The following MECOM variants were observed in gnomAD, a reference collection of about 807,000 sequenced individuals.
MECOM encodes MDS1 and EVI1 complex locus.
A neutral mutation model predicts 116.3 loss-of-function variants in MECOM; 13 were observed. That is an observed-to-expected ratio of 0.11 (90% CI 0.07 to 0.18). The LOEUF (loss-of-function observed/expected upper bound fraction) is 0.18, where lower values mean the gene tolerates loss of function less well. MECOM is among the 10% of genes least tolerant of loss of function. The pLI is 1.00. For synonymous variants in MECOM, 528 were observed against 535.2 expected, an observed-to-expected ratio of 0.99 and a Z score of 0.19; for missense variants, 1,299 against 1,509.0, an observed-to-expected ratio of 0.86 and a Z score of 2.31.
intron 1 of MECOM, among the ~76,000 whole-genome samples, chr3:169,507,091 T>A (rs1659336262): frequency 6.6e-6 from 1 of 152,220 alleles, no homozygotes; most frequent in South Asian, 2.1e-4. Context: ...TCAATCACAA[T>A]GCCAGTGATA....
intron 1 of MECOM, among the ~76,000 whole-genome samples, chr3:169,626,371 C>T (rs766614679): frequency 6.6e-6 from 1 of 152,198 alleles, no homozygotes; most frequent in Admixed American, 6.5e-5. Context: ...AATCATTGAG[C>T]GGAGCTTGGG....
At position 169,101,542 on chromosome 3, in the gene MECOM, A is replaced by T. The variant is rs1480516989; in HGVS notation, c.2771+518T>A. 2.6e-4 allele frequency among the ~76,000 whole-genome samples: 39 copies of T among 147,638 alleles called. No individual in the cohort carries two copies. In the Admixed American group the frequency reaches 2.7e-3, roughly 10 times the overall value. On this transcript the variant is annotated intron_variant, in intron 11 of 16. Coordinates refer to ENST00000651503, the MANE Select transcript of MECOM (RefSeq NM_004991.4). ...AAATACCTACACATTTCTAAAGATGATTCAGAAATTATAAGCACAATTTAT... is the reference window on the plus strand; with the variant it reads ...AAATACCTACACATTTCTAAAGATGTTTCAGAAATTATAAGCACAATTTAT...
intron 2 of MECOM, among the ~76,000 whole-genome samples, chr3:169,218,667 C>T (rs1183286460): frequency 6.6e-6 from 1 of 152,096 alleles, no homozygotes; most frequent in Non-Finnish European, 1.5e-5. Flanking sequence ...GGAAAGTATC[C>T]TTTTTGTGTT....
At chr3:169,364,542 G>A (rs755136284) in intron 2 of MECOM, among the ~76,000 whole-genome samples, 7 of 152,046 alleles carry the variant, frequency 4.6e-5, no homozygotes, top group South Asian at 2.1e-4. Context: ...TGCATCTCCC[G>A]TTATTTACAC....
intron 1 of MECOM, among the ~76,000 whole-genome samples, chr3:169,529,119 A>G (rs939072517): frequency 6.6e-6 from 1 of 152,124 alleles, no homozygotes; most frequent in East Asian, 1.9e-4. Context: ...AAATCAATTG[A>G]CATTCCCTGA....
At position 169,611,647 on chromosome 3, in the gene MECOM, G is replaced by C. The variant is rs1260575297; in HGVS notation, c.37+51689C>G. ...GTTCCTATAACAGCTAATAATCTCT[G>C]GACCTCAAAATCACTATATATCTTT... On this transcript the variant is annotated intron_variant, in intron 1 of 16. Transcript: ENST00000651503. This position sits in a 1 kb window ranked among gnomAD's most constrained non-coding sequence, Gnocchi z 4.1. Among the ~76,000 whole-genome samples the C allele has an allele frequency of 6.6e-6, 1 of 151,988 alleles. No homozygotes were observed. Among genetic ancestry groups the C allele is most frequent in the African/African-American group, 2.4e-5 (1 of 41,360 alleles).
intron 2 of MECOM, chr3:169,149,490 A>G (rs1261848768): frequency 7.9e-6 from 2 of 251,586 alleles, no homozygotes; most frequent in Non-Finnish European, 1.6e-5. Flanking sequence ...ACGCCGGTAG[A>G]TGGCATTGCG....
At chr3:169,347,959 T>C (rs575456015) in intron 2 of MECOM, among the ~76,000 whole-genome samples, 1 of 152,098 alleles carries the variant, frequency 6.6e-6, no homozygotes, top group East Asian at 1.9e-4. Flanking sequence ...TAGAACTTAA[T>C]TGGAAAAATA....
intron 1 of MECOM, among the ~76,000 whole-genome samples, chr3:169,398,368 A>G (rs1434535368): frequency 6.6e-6 from 1 of 152,160 alleles, no homozygotes; most frequent in Non-Finnish European, 1.5e-5. Flanking sequence ...CATTTTAAAA[A>G]CCTGGATAAA....
chr3:169,577,737 ATATTTTCCATG>A (rs1355033917), intron 1 of MECOM, among the ~76,000 whole-genome samples: 1 of 152,164 alleles, frequency 6.6e-6, no homozygotes, highest in African/African-American at 2.4e-5. Context: ...ACTAATTTGC[ATATTTTCCATG>A]TATTTTCCAC....
intron 2 of MECOM, among the ~76,000 whole-genome samples, chr3:169,303,034 CA>C (rs1717040050): frequency 6.6e-6 from 1 of 152,128 alleles, no homozygotes; most frequent in Admixed American, 6.6e-5. Flanking sequence ...GACATATACT[CA>C]ACTACTCTTA....
chr3:169,152,794 CA>C (rs1401022543), intron 2 of MECOM, among the ~76,000 whole-genome samples: 1 of 152,168 alleles, frequency 6.6e-6, no homozygotes, highest in Non-Finnish European at 1.5e-5. Context: ...ACTATACAAG[CA>C]TAATCACCTA....
Position 169,530,898 on chromosome 3 carries a change from C to CAAA in MECOM, c.37+132435_37+132437dup, listed in dbSNP as rs11425768. 9.4e-3 allele frequency among the ~76,000 whole-genome samples: 1,342 copies of CAAA among 142,306 alleles called. 19 individuals are homozygous for CAAA. Among genetic ancestry groups the CAAA allele is most frequent in the South Asian group, 0.029 (128 of 4,428 alleles). 93.4% of individuals were successfully genotyped at this position (142,306 alleles called of 152,430 possible). ...ATTTATTGAAAATTCAGATAAGCAG[C>CAAA]AAAAAAAAAAAATGATTTCAAATAG... On this transcript the variant is annotated intron_variant, in intron 1 of 16. Transcript: ENST00000651503.
chr3:169,622,631 G>A (rs1770892187), intron 1 of MECOM, among the ~76,000 whole-genome samples: 1 of 152,210 alleles, frequency 6.6e-6, no homozygotes, highest in African/African-American at 2.4e-5. Context: ...CTATTCCTGA[G>A]ACACTTTTGT....
At chr3:169,338,600 GGTGTGTGTGTGTGT>G (rs149763365) in intron 2 of MECOM, among the ~76,000 whole-genome samples, 4 of 146,546 alleles carry the variant, frequency 2.7e-5, no homozygotes, top group East Asian at 2.0e-4. Flanking sequence ...TTATGTTAGG[GGTGTGTGTGTGTGT>G]GTGTGTGTGT....
intron 1 of MECOM, among the ~76,000 whole-genome samples, chr3:169,462,440 A>G (rs1463521791): frequency 1.3e-5 from 2 of 152,164 alleles, no homozygotes; most frequent in African/African-American, 2.4e-5. Flanking sequence ...CTAGATTAGG[A>G]GCTCTCTGAG....
intron 2 of MECOM, among the ~76,000 whole-genome samples, chr3:169,295,328 C>T (rs1560427): frequency 2.0e-5 from 3 of 152,184 alleles, no homozygotes; most frequent in African/African-American, 4.8e-5. Context: ...TTGCCACCAC[C>T]TGGTGGCAGC....
chr3:169,324,246 C>T (rs1052959001), intron 2 of MECOM, among the ~76,000 whole-genome samples: 5 of 152,174 alleles, frequency 3.3e-5, no homozygotes, highest in Non-Finnish European at 7.3e-5. Flanking sequence ...TTATTGTCCC[C>T]AGTTTACTGA....
chr3:169,193,025 C>G (rs1293158177), intron 2 of MECOM, among the ~76,000 whole-genome samples: 1 of 151,702 alleles, frequency 6.6e-6, no homozygotes. Flanking sequence ...GGGGTAATAT[C>G]GAAATGACAC....
Sources: allele counts gnomAD v4.1 joint callset (sites outside exome capture counted in the v4.1 genomes callset), GRCh38; gene constraint gnomAD v4.1.1; non-coding constraint Gnocchi (gnomAD v3.1); transcripts MANE v1.5; gene names NCBI Gene and HGNC (gene_info 2026-07-23, HGNC 2026-07-21).